The following CAMK2A variants were observed in gnomAD, a reference collection of about 807,000 sequenced individuals.
CAMK2A encodes calcium/calmodulin-dependent protein kinase type II subunit alpha.
CAMK2A carries 7 observed loss-of-function variants against 79.2 expected under a neutral mutation model. The ratio of observed to expected loss-of-function variants is 0.09; its 90% CI spans 0.05 to 0.17. The LOEUF (loss-of-function observed/expected upper bound fraction) is 0.17, where lower values mean the gene tolerates loss of function less well. Ranked by LOEUF, CAMK2A falls within the 10% of genes least tolerant of loss-of-function variation. The probability of loss-of-function intolerance (pLI) is 1.00; values close to 1 mark genes in which losing one functional copy is unlikely to be tolerated. For synonymous variants in CAMK2A, 242 were observed against 251.7 expected, an observed-to-expected ratio of 0.96 and a Z score of 0.36; for missense variants, 214 against 646.4, an observed-to-expected ratio of 0.33 and a Z score of 7.25.
intron 16 of CAMK2A, among the ~76,000 whole-genome samples, chr5:150,230,602 T>TC (rs1580898997): frequency 6.6e-6 from 1 of 152,164 alleles, no homozygotes; most frequent in Non-Finnish European, 1.5e-5. Flanking sequence ...ATATTTGCTC[T>TC]CCCGGGGGCC....
intron 6 of CAMK2A, among the ~76,000 whole-genome samples, chr5:150,255,324 C>T (rs1756008552): frequency 6.6e-6 from 1 of 152,196 alleles, no homozygotes; most frequent in Non-Finnish European, 1.5e-5. Context: ...AGGAGAGAAG[C>T]CGTGTCTGCC....
chr5:150,241,889 A>G (rs931397355), intron 13 of CAMK2A, among the ~76,000 whole-genome samples: 1 of 152,006 alleles, frequency 6.6e-6, no homozygotes, highest in African/African-American at 2.4e-5. Context: ...GGCCAGGCAC[A>G]GAATGGGGAA....
At chr5:150,285,546 C>T (rs1018809845) in intron 1 of CAMK2A, among the ~76,000 whole-genome samples, 13 of 152,150 alleles carry the variant, frequency 8.5e-5, no homozygotes, top group African/African-American at 3.1e-4. Flanking sequence ...CCCAGGACCT[C>T]AGTACAGGGA....
At position 150,253,425 on chromosome 5, in the gene CAMK2A, GC is replaced by G. The variant is rs1755921232; in HGVS notation, c.514+18del. On this transcript the variant is annotated intron_variant, in intron 7 of 18. Transcript: ENST00000671881. Reference sequence around the variant, plus strand: ...ATGGGTGCTGACCCCCAACACTTCTGCCAGCCCACCCCACTTACCAAACCAT... The same window carrying G: ...ATGGGTGCTGACCCCCAACACTTCTGCAGCCCACCCCACTTACCAAACCAT... The G allele has an allele frequency of 1.9e-6, 3 of 1,591,028 alleles. No homozygotes were observed. The highest frequency in any genetic ancestry group is 1.7e-6 in the Non-Finnish European group (2 of 1,159,144).
In CAMK2A at chr5:150,238,761, A is replaced by T; in HGVS notation, c.1018-13T>A. The stretch of plus-strand genomic sequence containing the variant: ...TCTCTGAGGATTCCTGCCAAAGAGA[A>T]TACAGGAGATGGTGAGGCCTGCCTG... On this transcript the variant is annotated splice_polypyrimidine_tract_variant and intron_variant, in intron 14 of 18. Transcript: ENST00000671881. The T allele has an allele frequency of 6.3e-7, 1 of 1,596,812 alleles. No individual in the cohort carries two copies. Among genetic ancestry groups the T allele is most frequent in the South Asian group, 1.1e-5 (1 of 88,052 alleles).
chr5:150,250,617 G>C (rs574843844), intron 10 of CAMK2A, 71 bp downstream of exon 10: 1 of 1,593,558 alleles, frequency 6.3e-7, no homozygotes, highest in South Asian at 1.1e-5. Context: ...GGAAGGGCCA[G>C]AACTCTGTGG....
At chr5:150,241,259 A>G (rs1321395639) in intron 13 of CAMK2A, among the ~76,000 whole-genome samples, 1 of 152,134 alleles carries the variant, frequency 6.6e-6, no homozygotes, top group Admixed American at 6.5e-5. Context: ...GCTGGGCTGG[A>G]TGGTGTGGCT....
intron 12 of CAMK2A, among the ~76,000 whole-genome samples, chr5:150,247,399 C>G (rs2150275910): frequency 6.6e-6 from 1 of 152,358 alleles, no homozygotes; most frequent in South Asian, 2.1e-4. Flanking sequence ...CTGCTTAGCA[C>G]AGGGCTCCAA....
upstream of CAMK2A, chr5:150,289,862 C>T (rs998523273): frequency 1.1e-5 from 6 of 532,390 alleles, no homozygotes; most frequent in Middle Eastern, 4.8e-4. Flanking sequence ...GCCCTGTTCC[C>T]GTTGCCCCGG....
At position 150,289,703 on chromosome 5, in the gene CAMK2A, G is replaced by C. The variant is rs1031584623; in HGVS notation, c.-78C>G. 2.5e-6 allele frequency: 3 copies of C among 1,186,346 alleles called. No individual in the cohort carries two copies. Among genetic ancestry groups the C allele is most frequent in the African/African-American group, 3.0e-5 (2 of 66,750 alleles). 73.5% of individuals were successfully genotyped at this position (1,186,346 alleles called of 1,614,324 possible). A position where few individuals can be genotyped will look rare whatever the true frequency, so the allele number is the denominator to read the frequency against. On this transcript the variant is annotated 5_prime_UTR_variant, in exon 1 of 19. Coordinates refer to ENST00000671881, the MANE Select transcript of CAMK2A (RefSeq NM_015981.4). ...CGCTGCTGCTCTGCTCCCGAACCTAGGGACCACTTGCCTGCCCGTGCTGCC... is the reference window on the plus strand; with the variant it reads ...CGCTGCTGCTCTGCTCCCGAACCTACGGACCACTTGCCTGCCCGTGCTGCC...
At chr5:150,282,392 C>A (rs1757252692) in intron 1 of CAMK2A, among the ~76,000 whole-genome samples, 2 of 152,214 alleles carry the variant, frequency 1.3e-5, no homozygotes, top group South Asian at 2.1e-4. Context: ...GAAAAATATT[C>A]TATTTTCTCT....
chr5:150,260,226 G>A (rs1756243885), intron 3 of CAMK2A, among the ~76,000 whole-genome samples: 1 of 152,118 alleles, frequency 6.6e-6, no homozygotes. Flanking sequence ...GGAGGCTGAG[G>A]CGGGTGGAAC....
At chr5:150,240,142 G>A (rs940849854) in intron 13 of CAMK2A, among the ~76,000 whole-genome samples, 2 of 152,176 alleles carry the variant, frequency 1.3e-5, no homozygotes, top group African/African-American at 2.4e-5. Flanking sequence ...TGGAAGTGAG[G>A]CCCAATGTCT....
chr5:150,257,440 C>T, intron 4 of CAMK2A, 123 bp downstream of exon 4: 6 of 798,480 alleles, frequency 7.5e-6, no homozygotes, highest in Non-Finnish European at 1.3e-5. Context: ...GGGTGGCAGG[C>T]CCACCACATT....
rs1245277909 is a variant in CAMK2A at position 150,221,606 on chromosome 5, G to A, written c.*1104C>T. 3 of 398,500 alleles carry A rather than the reference G, an allele frequency of 7.5e-6. No homozygotes were observed. Among genetic ancestry groups the A allele is most frequent in the Non-Finnish European group, 1.3e-5 (3 of 226,070 alleles). 24.7% of individuals were successfully genotyped at this position (398,500 alleles called of 1,614,324 possible). On this transcript the variant is annotated 3_prime_UTR_variant, in exon 19 of 19. Transcript: ENST00000671881. Reference sequence around the variant, plus strand: ...GACTTGCTGTTCCTGAGTCAGTGCTGGCATCTGATGCTTCCACAGTCCCAA... The same window carrying A: ...GACTTGCTGTTCCTGAGTCAGTGCTAGCATCTGATGCTTCCACAGTCCCAA...
rs1328312194 is a variant in CAMK2A, at chr5:150,289,553, G to T, written c.62+11C>A. 1.2e-6 allele frequency: 2 copies of T among 1,611,902 alleles called. No individual in the cohort carries two copies. Among genetic ancestry groups the T allele is most frequent in the South Asian group, 1.1e-5 (1 of 90,996 alleles). On this transcript the variant is annotated intron_variant, in intron 1 of 18. Coordinates refer to ENST00000671881, the MANE Select transcript of CAMK2A (RefSeq NM_015981.4). ...CCCATGCCTTCCAGGACTTCCTGAG[G>T]CACAACTCACTTGCCCAATTCCTCG...
Position 150,256,798 on chromosome 5 carries a change from C to T in CAMK2A, c.306G>A (p.Val102=). The T allele has an allele frequency of 6.2e-7, 1 of 1,614,158 alleles. No homozygotes were observed. The highest frequency in any genetic ancestry group is 8.5e-7 in the Non-Finnish European group (1 of 1,180,008). Residue 102 remains valine, a synonymous_variant, in exon 5 of 19, where the codon GTG becomes GTA. Transcript: ENST00000671881. The surrounding 1 kb of genome is among the most constrained non-coding windows in gnomAD (Gnocchi z 4.6). ...VTGGELFEDI[V]AREYYSEADA... is the part of the protein sequence containing the mutation. ...CCGCCTCACTGTAATACTCCCGGGCCACGATATCTTCAAACAGTTCCCCAC... is the reference window on the plus strand; with the variant it reads ...CCGCCTCACTGTAATACTCCCGGGCTACGATATCTTCAAACAGTTCCCCAC...
At chr5:150,242,571 G>A (rs1416621083) in intron 13 of CAMK2A, among the ~76,000 whole-genome samples, 1 of 152,192 alleles carries the variant, frequency 6.6e-6, no homozygotes, top group Non-Finnish European at 1.5e-5. Flanking sequence ...AAAGGAGCCT[G>A]TGATGTGGCT....
At chr5:150,239,073 C>T (rs572686885) in intron 14 of CAMK2A, among the ~76,000 whole-genome samples, 7 of 152,082 alleles carry the variant, frequency 4.6e-5, no homozygotes, top group South Asian at 2.1e-4. Flanking sequence ...CCATGGCGGC[C>T]GCAGAGTGGG....
Sources: gnomAD v4.1 joint callset for allele counts (sites outside exome capture counted in the v4.1 genomes callset) on GRCh38, gnomAD v4.1.1 for gene constraint, Gnocchi (gnomAD v3.1) non-coding constraint, MANE v1.5 for transcripts, NCBI Gene and HGNC (gene_info 2026-07-23, HGNC 2026-07-21) for gene names.